Variants in HMGXB4 observed in about 807,000 individuals in gnomAD.
HMGXB4 encodes HMG-box containing 4.
Under a neutral mutation model 63.9 loss-of-function variants are expected in HMGXB4, and 27 were observed. The observed-to-expected ratio is 0.42, with a 90% CI of 0.31 to 0.58. HMGXB4 has a LOEUF of 0.58. Among genes scored for constraint, HMGXB4 ranks in the 20% least tolerant of loss-of-function variants. The probability of loss-of-function intolerance (pLI) is 0.13; values close to 1 mark genes in which losing one functional copy is unlikely to be tolerated. For missense variants in HMGXB4, 624 were observed against 700.7 expected, an observed-to-expected ratio of 0.89 and a Z score of 1.24; for synonymous variants, 264 against 265.3, an observed-to-expected ratio of 0.99 and a Z score of 0.05.
Position 35,265,256 on chromosome 22 carries a change from A to C in HMGXB4, c.868A>C (p.Ile290Leu), listed in dbSNP as rs756981686. Reference protein sequence around the residue: ...ANLDLSGLEPILVESDSSSGG... With the variant: ...ANLDLSGLEPLLVESDSSSGG... ...CCTTGATCTTTCAGGGCTTGAACCT[A>C]TTCTGGTAGAATCAGACTCATCCTC... Residue 290 changes from isoleucine (I) to leucine (L), a missense_variant, in exon 5 of 11, where the codon ATT (isoleucine) becomes CTT (leucine). Transcript: ENST00000216106. 4 of 1,613,992 alleles carry C rather than the reference A, an allele frequency of 2.5e-6. No homozygotes were observed. Among genetic ancestry groups the C allele is most frequent in the Non-Finnish European group, 3.4e-6 (4 of 1,180,012 alleles).
rs769256793 is a variant in HMGXB4 at position 35,293,027 on chromosome 22, T to G, written c.1674T>G (p.Leu558=). Residue 558 remains leucine, a synonymous_variant, in exon 10 of 11, where the codon CTT becomes CTG. Coordinates refer to ENST00000216106, the MANE Select transcript of HMGXB4 (RefSeq NM_001003681.3). ...MVAVSGSLSV[L]LDSIICALGP... ...CTGTGTCTGGCAGTTTGTCAGTGCT[T>G]CTGGATTCCATTATCTGTGCCCTTG... 6.2e-7 allele frequency: 1 copy of G among 1,614,256 alleles called. No individual in the cohort carries two copies. Among genetic ancestry groups the G allele is most frequent in the Admixed American group, 1.7e-5 (1 of 60,030 alleles).
chr22:35,265,664 A>C, intron 5 of HMGXB4, 61 bp downstream of exon 5: 2 of 1,456,490 alleles, frequency 1.4e-6, no homozygotes, highest in Non-Finnish European at 1.8e-6. Context: ...CTGGGTAGTC[A>C]GTGGACTTTT....
intron 5 of HMGXB4, among the ~76,000 whole-genome samples, chr22:35,272,526 A>T (rs1339483660): frequency 6.6e-6 from 1 of 152,246 alleles, no homozygotes; most frequent in Admixed American, 6.5e-5. Context: ...ATTTCCCACT[A>T]AAGATCATCT....
the HMGXB4 span, among the ~76,000 whole-genome samples, chr22:35,241,726 G>T: frequency 6.6e-6 from 1 of 152,190 alleles, no homozygotes; most frequent in African/African-American, 2.4e-5. Context: ...TTCGGGAGAG[G>T]GGGGTCTCCC....
chr22:35,288,937 C>A (rs978434831), intron 9 of HMGXB4, among the ~76,000 whole-genome samples: 3 of 152,082 alleles, frequency 2.0e-5, no homozygotes, highest in Admixed American at 2.0e-4. Flanking sequence ...GTCAGGAGTT[C>A]AAGACCAGCC....
At chr22:35,257,795 G>T (rs770387915) in intron 1 of HMGXB4, among the ~76,000 whole-genome samples, 1 of 152,098 alleles carries the variant, frequency 6.6e-6, no homozygotes, top group Admixed American at 6.5e-5. Flanking sequence ...TTCAAACGGG[G>T]AAGGCGGGAA....
chr22:35,282,036 G>A (rs554299444), intron 5 of HMGXB4, among the ~76,000 whole-genome samples: 8 of 152,258 alleles, frequency 5.3e-5, no homozygotes, highest in South Asian at 2.1e-4. Flanking sequence ...CAGAGTGCAC[G>A]ATCGAGCTTT....
At chr22:35,250,836 C>T in the HMGXB4 span, among the ~76,000 whole-genome samples, 2 of 152,140 alleles carry the variant, frequency 1.3e-5, no homozygotes, top group East Asian at 3.9e-4. Flanking sequence ...AGTCTCTACC[C>T]ACATGGCTTG....
chr22:35,280,890 T>C (rs1924202906), intron 5 of HMGXB4, among the ~76,000 whole-genome samples: 1 of 152,226 alleles, frequency 6.6e-6, no homozygotes, highest in Non-Finnish European at 1.5e-5. Flanking sequence ...TTTCTTTGAC[T>C]CCCTAACTTG....
chr22:35,288,277 C>G lies in HMGXB4; in HGVS notation c.1508C>G (p.Pro503Arg). 6.2e-7 allele frequency: 1 copy of G among 1,603,796 alleles called. No individual in the cohort carries two copies. Among genetic ancestry groups the G allele is most frequent in the Non-Finnish European group, 8.5e-7 (1 of 1,174,740 alleles). Residue 503 changes from proline (P) to arginine (R), a missense_variant, in exon 9 of 11, where the codon CCA becomes CGA. Transcript: ENST00000216106. Reference sequence around the variant, plus strand: ...GTACTGTCACCCCAGAAGAAGTCCCCACCCACCACCATGCTGTTACCAGCC... The same window carrying G: ...GTACTGTCACCCCAGAAGAAGTCCCGACCCACCACCATGCTGTTACCAGCC... ...VGVLSPQKKS[P>R]PTTMLLPASP...
At chr22:35,249,831 C>A in the HMGXB4 span, 1 of 95,966 alleles carries the variant, frequency 1.0e-5, no homozygotes, top group Admixed American at 1.1e-4. Flanking sequence ...CCAGAAAACC[C>A]CTAGAAAGAA....
Position 35,293,888 on chromosome 22 carries a change from A to T in HMGXB4, c.*237A>T. 1 of 281,552 alleles carries T rather than the reference A, an allele frequency of 3.6e-6. No homozygotes were observed. The highest frequency in any genetic ancestry group is 6.1e-5 in the East Asian group (1 of 16,490). 17.4% of individuals were successfully genotyped at this position (281,552 alleles called of 1,614,324 possible). A position where few individuals can be genotyped will look rare whatever the true frequency, so the allele number is the denominator to read the frequency against. On this transcript the variant is annotated 3_prime_UTR_variant, in exon 11 of 11. Coordinates refer to ENST00000216106, the MANE Select transcript of HMGXB4 (RefSeq NM_001003681.3). ...CAAGAGGAAATTTTGGCATGAATACAGGCTTGGGATTCTTTTTTCTCCTGT... is the reference window on the plus strand; with the variant it reads ...CAAGAGGAAATTTTGGCATGAATACTGGCTTGGGATTCTTTTTTCTCCTGT...
the HMGXB4 span, among the ~76,000 whole-genome samples, chr22:35,243,238 C>T: frequency 0.024 from 3,598 of 152,114 alleles, 69 homozygotes; most frequent in Non-Finnish European, 0.038. Flanking sequence ...GGTGTGGTGG[C>T]GCACACCAGT....
At chr22:35,259,389 A>G (rs1232630442) in intron 1 of HMGXB4, among the ~76,000 whole-genome samples, 1 of 152,224 alleles carries the variant, frequency 6.6e-6, no homozygotes, top group Non-Finnish European at 1.5e-5. Context: ...CCTGTTTCAC[A>G]TTTGCCAACA....
In HMGXB4 at chr22:35,264,713, G is replaced by T. The variant is rs1448608396; in HGVS notation, c.325G>T (p.Ala109Ser). ...GTCCAGCCCACAGTCTACTGATACAGCTATGGACCTGTTGAAAGCTATCAC... is the reference window on the plus strand; with the variant it reads ...GTCCAGCCCACAGTCTACTGATACATCTATGGACCTGTTGAAAGCTATCAC... ...KKSSPQSTDT[A>S]MDLLKAITSP... The change falls in exon 5 of 11, where the codon GCT becomes TCT. Residue 109 changes from alanine (A) to serine (S), a missense_variant. By Grantham distance (99) the Ala-to-Ser change is moderately conservative (BLOSUM62 1). This residue lies in a region of HMGXB4 where 472 missense variants were observed against 470.6 expected (regional missense o/e 1.00). Coordinates refer to ENST00000216106, the MANE Select transcript of HMGXB4 (RefSeq NM_001003681.3). The T allele has an allele frequency of 6.2e-7, 1 of 1,613,756 alleles. No individual in the cohort carries two copies. Among genetic ancestry groups the T allele is most frequent in the South Asian group, 1.1e-5 (1 of 91,052 alleles).
the HMGXB4 span, among the ~76,000 whole-genome samples, chr22:35,245,914 G>C: frequency 2.6e-5 from 4 of 152,084 alleles, no homozygotes; most frequent in Non-Finnish European, 5.9e-5. Context: ...CCAGGTCCAG[G>C]GGGACCTCAT....
chr22:35,265,403 C>T lies in HMGXB4; in HGVS notation c.1015C>T (p.His339Tyr), dbSNP rs1168504004. ...KDKEKHKEKR[H>Y]SKSKRSLGLS... ...CAAGGAGAAGCATAAAGAGAAGCGACACTCCAAGTCCAAGAGAAGTTTAGG... is the reference window on the plus strand; with the variant it reads ...CAAGGAGAAGCATAAAGAGAAGCGATACTCCAAGTCCAAGAGAAGTTTAGG... The change falls in exon 5 of 11, where the codon CAC becomes TAC. Residue 339 changes from histidine to tyrosine, a missense_variant. Coordinates refer to ENST00000216106, the MANE Select transcript of HMGXB4 (RefSeq NM_001003681.3). 3 of 1,614,012 alleles carry T rather than the reference C, an allele frequency of 1.9e-6. No individual in the cohort carries two copies. The highest frequency in any genetic ancestry group is 2.5e-6 in the Non-Finnish European group (3 of 1,180,004).
chr22:35,262,527 A>G (rs1048056895), intron 2 of HMGXB4, 106 bp downstream of exon 2: 1 of 1,145,120 alleles, frequency 8.7e-7, no homozygotes, highest in East Asian at 2.3e-5. Flanking sequence ...TGGACTCCCA[A>G]GTGATGGTCC....
At chr22:35,289,494 G>C (rs766733282) in intron 9 of HMGXB4, among the ~76,000 whole-genome samples, 1 of 152,102 alleles carries the variant, frequency 6.6e-6, no homozygotes, top group Non-Finnish European at 1.5e-5. Flanking sequence ...GCAAGAAAAA[G>C]GATGAGTACA....
Sources: gnomAD v4.1 joint callset for allele counts (sites outside exome capture counted in the v4.1 genomes callset) on GRCh38, gnomAD v4.1.1 for gene constraint, gnomAD v4.1.1 regional missense constraint, MANE v1.5 for transcripts, NCBI Gene and HGNC (gene_info 2026-07-23, HGNC 2026-07-21) for gene names.